Variants in NUP37 observed in about 807,000 individuals in gnomAD.
NUP37 encodes the protein nucleoporin Nup37.
Under a neutral mutation model 45.4 loss-of-function variants are expected in NUP37, and 33 were observed. That is an observed-to-expected ratio of 0.73 (90% CI 0.55 to 0.97). NUP37 has a LOEUF of 0.97. Ranked by LOEUF, NUP37 falls within the 50% of genes least tolerant of loss-of-function variation. The pLI is 0.00. For synonymous variants in NUP37, 127 were observed against 130.7 expected, an observed-to-expected ratio of 0.97 and a Z score of 0.19; for missense variants, 365 against 389.7, an observed-to-expected ratio of 0.94 and a Z score of 0.53.
chr12:102,078,450 T>C (rs886256073), intron 6 of NUP37, among the ~76,000 whole-genome samples: 12 of 152,262 alleles, frequency 7.9e-5, no homozygotes, highest in African/African-American at 2.4e-4. Flanking sequence ...ATGTTAGTTA[T>C]ATTGTCTAGA....
Position 102,075,043 on chromosome 12 carries a change from T to A in NUP37, c.825A>T (p.Lys275Asn). 2 of 1,611,274 alleles carry A rather than the reference T, an allele frequency of 1.2e-6. No individual in the cohort carries two copies. Among genetic ancestry groups the A allele is most frequent in the South Asian group, 2.2e-5 (2 of 90,678 alleles). Residue 275 changes from lysine to asparagine, a missense_variant, in exon 9 of 10, where the codon AAA becomes AAT. By Grantham distance (94) the Lys-to-Asn change is moderately conservative. Coordinates refer to ENST00000552283, the MANE Select transcript of NUP37 (RefSeq NM_024057.4). Reference protein sequence around the residue: ...NLFATTGYPGKMASQFQIHHL... With the variant: ...NLFATTGYPGNMASQFQIHHL... ...GATGAATTTGAAACTGGCTTGCCAT[T>A]TTGCCAGGATAACCAGTGGTTGCAA...
rs193262926 is a variant in NUP37 at position 102,114,017 on chromosome 12, G to C, written c.157-1785C>G. On this transcript the variant is annotated intron_variant, in intron 2 of 9. Coordinates refer to ENST00000552283, the MANE Select transcript of NUP37 (RefSeq NM_024057.4). ...AACAGCAAAAAGTTTTTCCACAAAT[G>C]AAAGAAATACACTTATCAAGGAAAG... Among the ~76,000 whole-genome samples the C allele has an allele frequency of 2.8e-4, 42 of 152,222 alleles. No homozygotes were observed. The East Asian group carries it at 4.6e-3, about 17-fold the overall frequency.
intron 6 of NUP37, among the ~76,000 whole-genome samples, chr12:102,078,099 G>A (rs576298901): frequency 6.6e-6 from 1 of 151,694 alleles, no homozygotes; most frequent in South Asian, 2.1e-4. Context: ...AGGCTGAGGC[G>A]GGCAGATCAC....
intron 3 of NUP37, among the ~76,000 whole-genome samples, chr12:102,108,234 C>T (rs758517404): frequency 3.3e-5 from 5 of 152,096 alleles, no homozygotes; most frequent in African/African-American, 1.2e-4. Flanking sequence ...GCCAGCACAA[C>T]TAGAAAAAAC....
intron 2 of NUP37, among the ~76,000 whole-genome samples, chr12:102,113,188 T>C (rs1205942415): frequency 2.0e-5 from 3 of 152,186 alleles, no homozygotes; most frequent in Admixed American, 6.5e-5. Context: ...TCTGCCTACA[T>C]GCAATGATTT....
intron 2 of NUP37, among the ~76,000 whole-genome samples, chr12:102,116,690 T>C (rs1321044242): frequency 1.3e-5 from 2 of 152,232 alleles, no homozygotes; most frequent in Non-Finnish European, 2.9e-5. Context: ...AATTGCATTT[T>C]TGATGTCAGA....
At chr12:102,077,161 G>A (rs1594382818) in intron 7 of NUP37, 161 bp downstream of exon 7, 2 of 720,154 alleles carry the variant, frequency 2.8e-6, no homozygotes, top group African/African-American at 1.8e-5. Context: ...TGCATAGCAA[G>A]TTTATGTTAT....
chr12:102,075,892 G>GT (rs1434929939), intron 8 of NUP37, among the ~76,000 whole-genome samples: 3 of 145,646 alleles, frequency 2.1e-5, no homozygotes, highest in African/African-American at 7.6e-5. Flanking sequence ...TTTTTTTTTT[G>GT]TTTAATTGTT....
At chr12:102,089,715 C>G (rs968087327) in intron 5 of NUP37, among the ~76,000 whole-genome samples, 3 of 147,462 alleles carry the variant, frequency 2.0e-5, no homozygotes, top group African/African-American at 7.5e-5. Flanking sequence ...ACTTCCCAGA[C>G]GAGGCGGCCG....
At chr12:102,118,307 G>T in intron 2 of NUP37, 56 bp downstream of exon 2, 2 of 1,478,972 alleles carry the variant, frequency 1.4e-6, no homozygotes, top group Non-Finnish European at 1.8e-6. Flanking sequence ...GTTTGTGTAA[G>T]TTCTCTTAGT....
intron 5 of NUP37, among the ~76,000 whole-genome samples, chr12:102,091,399 C>CAAAAAA (rs1163474160): frequency 4.2e-4 from 16 of 37,796 alleles, no homozygotes; most frequent in African/African-American, 1.4e-3. Flanking sequence ...GACTCCGTCT[C>CAAAAAA]AAAAAAAAAA....
At chr12:102,081,715 AT>A (rs879750457) in intron 6 of NUP37, among the ~76,000 whole-genome samples, 264 of 145,244 alleles carry the variant, frequency 1.8e-3, no homozygotes, top group Admixed American at 1.9e-3. Context: ...TCATTTAGCT[AT>A]TTTTTTTTTT....
At chr12:102,098,272 A>G (rs115734896) in intron 5 of NUP37, among the ~76,000 whole-genome samples, 2,562 of 152,280 alleles carry the variant, frequency 0.017, 70 homozygotes, top group African/African-American at 0.059. Flanking sequence ...TTAAAATGTT[A>G]TAGCTACCTC....
intron 5 of NUP37, among the ~76,000 whole-genome samples, chr12:102,088,045 G>A (rs887164322): frequency 6.6e-6 from 1 of 152,126 alleles, no homozygotes; most frequent in African/African-American, 2.4e-5. Flanking sequence ...GTTTTCAAGG[G>A]ATTGGGATAA....
chr12:102,117,367 C>G (rs1158838278), intron 2 of NUP37, among the ~76,000 whole-genome samples: 1 of 151,794 alleles, frequency 6.6e-6, no homozygotes, highest in South Asian at 2.1e-4. Flanking sequence ...GGAGAATCAA[C>G]TGAACCCGGG....
chr12:102,112,457 A>G (rs1880344374), intron 2 of NUP37, among the ~76,000 whole-genome samples: 1 of 152,182 alleles, frequency 6.6e-6, no homozygotes, highest in Non-Finnish European at 1.5e-5. Flanking sequence ...AATGGTAAAC[A>G]TGTTCTACTT....
chr12:102,077,298 T>G, intron 7 of NUP37, 24 bp downstream of exon 7: 2 of 1,612,380 alleles, frequency 1.2e-6, no homozygotes, highest in Non-Finnish European at 1.7e-6. Context: ...TGGTGTGTAA[T>G]AGACAAACAT....
intron 5 of NUP37, among the ~76,000 whole-genome samples, chr12:102,086,645 C>T (rs12425639): frequency 0.028 from 4,279 of 152,256 alleles, 328 homozygotes; most frequent in East Asian, 0.26. Flanking sequence ...GGCACCATGT[C>T]GTGAGAATGC....
At chr12:102,118,697 T>C (rs543096050) in intron 1 of NUP37, 114 bp from the exon 2 acceptor site, 111 of 551,172 alleles carry the variant, frequency 2.0e-4, no homozygotes, top group Non-Finnish European at 3.2e-4. Flanking sequence ...AAGAAACATT[T>C]AAAGTACTTA....
Sources: allele counts gnomAD v4.1 joint callset (sites outside exome capture counted in the v4.1 genomes callset), GRCh38; gene constraint gnomAD v4.1.1; transcripts MANE v1.5; gene names NCBI Gene and HGNC (gene_info 2026-07-23, HGNC 2026-07-21).